The following PCDHA1 variants were observed in gnomAD, a reference collection of about 807,000 sequenced individuals.
PCDHA1 encodes protocadherin alpha-1.
In PCDHA1, 42 loss-of-function variants were observed where a neutral mutation model predicts 61.3. That is an observed-to-expected ratio of 0.69 (90% CI 0.54 to 0.89). The LOEUF is 0.89. Among genes scored for constraint, PCDHA1 ranks in the 40% least tolerant of loss-of-function variants. The pLI, the probability that PCDHA1 is intolerant of heterozygous loss-of-function variation, is 0.00. For synonymous variants in PCDHA1, 610 were observed against 553.8 expected, an observed-to-expected ratio of 1.10 and a Z score of -1.43; for missense variants, 1,256 against 1,235.3, an observed-to-expected ratio of 1.02 and a Z score of -0.25.
At chr5:140,924,903 AAATAAAATAAAATAAAAT>A (rs2082154741) in intron 1 of PCDHA1, among the ~76,000 whole-genome samples, 1 of 54,856 alleles carries the variant, frequency 1.8e-5, no homozygotes, top group Non-Finnish European at 3.6e-5. Flanking sequence ...TCAAAAAAAA[AAATAAAATAAAATAAAAT>A]AAAATAAAAT....
intron 3 of PCDHA1, among the ~76,000 whole-genome samples, chr5:140,994,257 G>A (rs1232863771): frequency 6.6e-6 from 1 of 152,122 alleles, no homozygotes; most frequent in East Asian, 1.9e-4. Context: ...AGGTAAATAA[G>A]GTAAGCTAGG....
At chr5:140,838,041 C>A (rs1479923409) in intron 1 of PCDHA1, among the ~76,000 whole-genome samples, 1 of 149,154 alleles carries the variant, frequency 6.7e-6, no homozygotes, top group African/African-American at 2.5e-5. Flanking sequence ...TACCTTTCTG[C>A]ACTTTTTGGT....
At chr5:140,794,687 A>G (rs1328766635) in intron 1 of PCDHA1, among the ~76,000 whole-genome samples, 1 of 152,250 alleles carries the variant, frequency 6.6e-6, no homozygotes, top group Non-Finnish European at 1.5e-5. Flanking sequence ...AGGGCTTAAA[A>G]TAGTTATTTT....
chr5:140,800,165 A>G (rs1159174271), intron 1 of PCDHA1, among the ~76,000 whole-genome samples: 1 of 152,194 alleles, frequency 6.6e-6, no homozygotes, highest in Non-Finnish European at 1.5e-5. Context: ...ATTCAAATAC[A>G]TAAAGAGTGT....
intron 1 of PCDHA1, chr5:140,966,696 G>A (rs2096039255): frequency 7.4e-7 from 1 of 1,358,662 alleles, no homozygotes. Flanking sequence ...GGCGGGGCCC[G>A]GGCGTGGGGC....
chr5:140,931,546 A>G (rs1416561002), intron 1 of PCDHA1, among the ~76,000 whole-genome samples: 1 of 152,048 alleles, frequency 6.6e-6, no homozygotes, highest in Non-Finnish European at 1.5e-5. Flanking sequence ...TACTGTTCAT[A>G]TGTGCAGGAA....
At chr5:140,997,668 TTGTGTGTGTGTG>T (rs35184029) in intron 3 of PCDHA1, among the ~76,000 whole-genome samples, 3 of 148,244 alleles carry the variant, frequency 2.0e-5, no homozygotes, top group South Asian at 2.2e-4. Context: ...ATTATACAGC[TTGTGTGTGTGTG>T]TGTGTGTGTG....
intron 1 of PCDHA1, chr5:140,875,523 G>A (rs782796444): frequency 6.2e-7 from 1 of 1,613,992 alleles, no homozygotes; most frequent in South Asian, 1.1e-5. Flanking sequence ...TGCTGCTCTC[G>A]CTTCTGCTCC....
At chr5:140,934,660 C>T (rs139449604) in intron 1 of PCDHA1, among the ~76,000 whole-genome samples, 2 of 152,152 alleles carry the variant, frequency 1.3e-5, no homozygotes, top group African/African-American at 2.4e-5. Flanking sequence ...TGATTCTTCC[C>T]CTTTGTTTAG....
intron 1 of PCDHA1, among the ~76,000 whole-genome samples, chr5:140,902,026 A>G (rs1554190175): frequency 6.6e-6 from 1 of 152,114 alleles, no homozygotes; most frequent in Non-Finnish European, 1.5e-5. Flanking sequence ...TAGAAATACT[A>G]CTAATTTTTG....
At chr5:140,928,227 T>G (rs781923359) in intron 1 of PCDHA1, 2 of 1,614,198 alleles carry the variant, frequency 1.2e-6, no homozygotes, top group South Asian at 2.2e-5. Context: ...CACCAAACTT[T>G]CCTCAACCCC....
intron 1 of PCDHA1, chr5:140,928,108 G>C: frequency 6.2e-7 from 1 of 1,614,190 alleles, no homozygotes; most frequent in Non-Finnish European, 8.5e-7. Flanking sequence ...CCTGGACCGG[G>C]AGCAGATCAG....
intron 1 of PCDHA1, among the ~76,000 whole-genome samples, chr5:140,897,009 ATAC>A (rs2065839600): frequency 6.6e-6 from 1 of 152,174 alleles, no homozygotes. Flanking sequence ...ATTTTTAAAT[ATAC>A]AACTAAATTA....
At chr5:140,792,443 A>G (rs1207116532) in intron 1 of PCDHA1, among the ~76,000 whole-genome samples, 2 of 152,168 alleles carry the variant, frequency 1.3e-5, no homozygotes, top group African/African-American at 4.8e-5. Context: ...CAAAACAGGT[A>G]CCAAGAGATA....
At chr5:140,803,277 G>T in intron 1 of PCDHA1, 4 of 1,614,046 alleles carry the variant, frequency 2.5e-6, no homozygotes, top group Non-Finnish European at 3.4e-6. Context: ...AGCTGCACTG[G>T]TGGATGTCAA....
chr5:140,838,984 C>T (rs1232719148), intron 1 of PCDHA1, among the ~76,000 whole-genome samples: 1 of 151,886 alleles, frequency 6.6e-6, no homozygotes, highest in African/African-American at 2.4e-5. Flanking sequence ...TTTCACTGTT[C>T]CTAATATTCT....
chr5:140,821,735 T>A, intron 1 of PCDHA1: 1 of 1,535,068 alleles, frequency 6.5e-7, no homozygotes, highest in South Asian at 1.2e-5. Flanking sequence ...ATACATTGTG[T>A]GGTGATGCAA....
intron 1 of PCDHA1, chr5:140,883,972 C>G (rs781784485): frequency 3.1e-6 from 5 of 1,612,854 alleles, no homozygotes; most frequent in Non-Finnish European, 4.2e-6. Context: ...TGCTGACGCC[C>G]GGGGCTGGCA....
chr5:140,805,955 T>C (rs1428044937), intron 1 of PCDHA1, among the ~76,000 whole-genome samples: 1 of 152,146 alleles, frequency 6.6e-6, no homozygotes, highest in East Asian at 1.9e-4. Context: ...ATTAAACAAT[T>C]AAGATACAAC....
Sources: gnomAD v4.1 joint callset for allele counts (sites outside exome capture counted in the v4.1 genomes callset) on GRCh38, gnomAD v4.1.1 for gene constraint, MANE v1.5 for transcripts, NCBI Gene and HGNC (gene_info 2026-07-23, HGNC 2026-07-21) for gene names.